CADM2: variants seen among roughly 807,000 people sequenced by gnomAD.
The protein encoded by CADM2 is cell adhesion molecule 2.
Under a neutral mutation model 49.8 loss-of-function variants are expected in CADM2, and 12 were observed. The observed-to-expected ratio is 0.24, with a 90% CI of 0.15 to 0.39. The LOEUF (loss-of-function observed/expected upper bound fraction) is 0.39. Ranked by LOEUF, CADM2 falls within the 10% of genes least tolerant of loss-of-function variation. The probability of loss-of-function intolerance (pLI) is 1.00; values close to 1 mark genes in which losing one functional copy is unlikely to be tolerated. For synonymous variants in CADM2, 214 were observed against 175.4 expected, an observed-to-expected ratio of 1.22 and a Z score of -1.74; for missense variants, 378 against 492.3, an observed-to-expected ratio of 0.77 and a Z score of 2.20.
chr3:85,604,686 T>C (rs1332427373), intron 1 of CADM2, among the ~76,000 whole-genome samples: 1 of 151,942 alleles, frequency 6.6e-6, no homozygotes, highest in Non-Finnish European at 1.5e-5. Flanking sequence ...TAGCATCTTT[T>C]TGTTGTCTGT....
At chr3:85,052,066 G>T (rs1023205571) in intron 1 of CADM2, among the ~76,000 whole-genome samples, 52 of 152,094 alleles carry the variant, frequency 3.4e-4, no homozygotes, top group African/African-American at 1.1e-3. Context: ...TATGGCATCT[G>T]AATATAAAAT....
At chr3:84,977,574 G>A (rs867760691) in intron 1 of CADM2, among the ~76,000 whole-genome samples, 55 of 152,118 alleles carry the variant, frequency 3.6e-4, no homozygotes, top group African/African-American at 1.3e-3. Flanking sequence ...TATGAGTGGA[G>A]GTGATGGGAT....
chr3:86,023,721 A>T (rs1163001115), intron 8 of CADM2, among the ~76,000 whole-genome samples: 1 of 151,952 alleles, frequency 6.6e-6, no homozygotes, highest in East Asian at 1.9e-4. Flanking sequence ...CAAATGCAAC[A>T]CCTATCTTCC....
intron 6 of CADM2, among the ~76,000 whole-genome samples, chr3:85,915,378 A>G (rs1338806371): frequency 6.6e-6 from 1 of 152,148 alleles, no homozygotes; most frequent in Admixed American, 6.6e-5. Context: ...TTTTCCTAGC[A>G]TCTAGCATAC....
chr3:85,562,091 C>A (rs1186061875), intron 1 of CADM2, among the ~76,000 whole-genome samples: 1 of 152,088 alleles, frequency 6.6e-6, no homozygotes, highest in Non-Finnish European at 1.5e-5. Flanking sequence ...AGGTAACGTT[C>A]ACTAAGCACA....
At chr3:85,570,353 C>A (rs1013345258) in intron 1 of CADM2, among the ~76,000 whole-genome samples, 1 of 151,924 alleles carries the variant, frequency 6.6e-6, no homozygotes, top group South Asian at 2.1e-4. Context: ...CAGAGGAAAT[C>A]TTTTACGAAG....
In CADM2 at chr3:86,047,783, C is replaced by A. The variant is rs374569085; in HGVS notation, c.971-17822C>A. On this transcript the variant is annotated intron_variant, in intron 8 of 9. Transcript: ENST00000383699. The stretch of plus-strand genomic sequence containing the variant: ...ATTAACCAAAACACCAACAAAGGCA[C>A]ATTGAAGTGAAATACTCTCACATTT... Among the ~76,000 whole-genome samples, 262 of 152,256 alleles carry A rather than the reference C, an allele frequency of 1.7e-3. 1 individual carries two copies. The highest frequency in any genetic ancestry group is 2.9e-3 in the Non-Finnish European group (198 of 68,018).
chr3:86,017,613 C>A (rs1732452576), intron 8 of CADM2, among the ~76,000 whole-genome samples: 1 of 151,258 alleles, frequency 6.6e-6, no homozygotes, highest in Non-Finnish European at 1.5e-5. Flanking sequence ...CGTGTAGTCT[C>A]AGCTCTTCAG....
chr3:85,027,598 G>A (rs992117705), intron 1 of CADM2, among the ~76,000 whole-genome samples: 1 of 151,662 alleles, frequency 6.6e-6, no homozygotes, highest in African/African-American at 2.4e-5. Context: ...ATGAGCAAAC[G>A]TTTTCTTCAT....
chr3:85,432,236 C>G (rs571270465), intron 1 of CADM2, among the ~76,000 whole-genome samples: 1 of 151,718 alleles, frequency 6.6e-6, no homozygotes, highest in East Asian at 2.0e-4. Flanking sequence ...GTCCATTCAG[C>G]CTGTGACAAC....
intron 3 of CADM2, among the ~76,000 whole-genome samples, chr3:85,868,461 G>T (rs1434699902): frequency 6.6e-6 from 1 of 152,018 alleles, no homozygotes; most frequent in Non-Finnish European, 1.5e-5. Flanking sequence ...ATAATTGACA[G>T]CCTGTTATCT....
intron 1 of CADM2, among the ~76,000 whole-genome samples, chr3:85,362,064 C>T (rs2032398697): frequency 6.6e-6 from 1 of 152,162 alleles, no homozygotes; most frequent in African/African-American, 2.4e-5. Flanking sequence ...CTTGGGAATG[C>T]TTTTCTAAAG....
Position 85,049,553 on chromosome 3 carries a change from T to C in CADM2, c.61+89885T>C, listed in dbSNP as rs531387150. ...TTTTAGTAGAGACGGGCTTTCACTATGTTGGCCAGACTGGTCTCAAACTCC... is the reference window on the plus strand; with the variant it reads ...TTTTAGTAGAGACGGGCTTTCACTACGTTGGCCAGACTGGTCTCAAACTCC... On this transcript the variant is annotated intron_variant, in intron 1 of 9. Transcript: ENST00000383699. Among the ~76,000 whole-genome samples, 506 of 152,070 alleles carry C rather than the reference T, an allele frequency of 3.3e-3. 3 individuals carry two copies. The highest frequency in any genetic ancestry group is 4.2e-3 in the Non-Finnish European group (286 of 67,996).
chr3:85,785,830 C>A (rs1389472146), intron 2 of CADM2, among the ~76,000 whole-genome samples: 2 of 152,174 alleles, frequency 1.3e-5, no homozygotes, highest in East Asian at 3.9e-4. Flanking sequence ...ACAACTAAAT[C>A]TAATCAATAC....
intron 8 of CADM2, among the ~76,000 whole-genome samples, chr3:85,981,099 T>C (rs1448322680): frequency 1.3e-5 from 2 of 151,374 alleles, no homozygotes; most frequent in Admixed American, 1.3e-4. Context: ...ATATTACATG[T>C]GGTCTTCCGG....
chr3:85,753,449 A>G (rs1466333120), intron 2 of CADM2, among the ~76,000 whole-genome samples: 1 of 152,186 alleles, frequency 6.6e-6, no homozygotes, highest in Non-Finnish European at 1.5e-5. Flanking sequence ...GATATGTGAC[A>G]TTTGTACATA....
intron 8 of CADM2, among the ~76,000 whole-genome samples, chr3:85,978,363 A>T (rs1461668074): frequency 6.6e-6 from 1 of 151,748 alleles, no homozygotes; most frequent in East Asian, 2.0e-4. Flanking sequence ...TTGGCAACTT[A>T]ACTAATTATG....
At chr3:85,031,643 T>C (rs2107326146) in intron 1 of CADM2, among the ~76,000 whole-genome samples, 1 of 152,116 alleles carries the variant, frequency 6.6e-6, no homozygotes. Context: ...GCCTCCCGAG[T>C]AGCTGGGACT....
At chr3:85,613,151 T>C (rs2063719969) in intron 1 of CADM2, among the ~76,000 whole-genome samples, 1 of 151,768 alleles carries the variant, frequency 6.6e-6, no homozygotes, top group African/African-American at 2.4e-5. Context: ...TGCAGACACA[T>C]TGATAAATTG....
Sources: allele counts gnomAD v4.1 joint callset (sites outside exome capture counted in the v4.1 genomes callset), GRCh38; gene constraint gnomAD v4.1.1; transcripts MANE v1.5; gene names NCBI Gene and HGNC (gene_info 2026-07-23, HGNC 2026-07-21).